The following BCAR3 variants were observed in gnomAD, a reference collection of about 807,000 sequenced individuals.
BCAR3 encodes BCAR3 adaptor protein, NSP family member.
BCAR3 carries 37 observed loss-of-function variants against 80.1 expected under a neutral mutation model. The ratio of observed to expected loss-of-function variants is 0.46; its 90% CI spans 0.36 to 0.61. BCAR3 has a LOEUF of 0.61. BCAR3 is among the 20% of genes least tolerant of loss of function. The probability of loss-of-function intolerance (pLI) is 0.00; values close to 1 mark genes in which losing one functional copy is unlikely to be tolerated. For missense variants in BCAR3, 978 were observed against 1,068.2 expected, an observed-to-expected ratio of 0.92 and a Z score of 1.18; for synonymous variants, 389 against 418.9, an observed-to-expected ratio of 0.93 and a Z score of 0.87.
intron 2 of BCAR3, among the ~76,000 whole-genome samples, chr1:93,783,106 C>T (rs538667785): frequency 1.3e-5 from 2 of 152,248 alleles, no homozygotes; most frequent in African/African-American, 4.8e-5. Flanking sequence ...TAGACTTGCT[C>T]AACCACTTGG....
intron 7 of BCAR3, among the ~76,000 whole-genome samples, chr1:93,581,805 T>C (rs933330904): frequency 6.6e-6 from 1 of 152,244 alleles, no homozygotes; most frequent in African/African-American, 2.4e-5. Context: ...AAAATAAATA[T>C]GTAATGCATA....
chr1:93,755,434 T>C (rs1052976937), intron 2 of BCAR3, among the ~76,000 whole-genome samples: 2 of 152,156 alleles, frequency 1.3e-5, no homozygotes, highest in African/African-American at 4.8e-5. Context: ...CCTATACAGG[T>C]GTACCATTTT....
intron 2 of BCAR3, among the ~76,000 whole-genome samples, chr1:93,776,412 T>TAA (rs948328688): frequency 4.6e-5 from 7 of 152,306 alleles, no homozygotes; most frequent in African/African-American, 1.4e-4. Context: ...TACTGTAAGT[T>TAA]AAAGACTCTC....
intron 2 of BCAR3, among the ~76,000 whole-genome samples, chr1:93,643,545 CAAAAAAAAAAAA>C (rs547667389): frequency 0.02 from 445 of 22,312 alleles, 4 homozygotes; most frequent in Non-Finnish European, 0.029. Context: ...GACTCTTTCT[CAAAAAAAAAAAA>C]AAAAAAAAAA....
chr1:93,571,171 T>G (rs1327697560), intron 9 of BCAR3, among the ~76,000 whole-genome samples: 2 of 149,384 alleles, frequency 1.3e-5, no homozygotes. Flanking sequence ...ACCATTGTAC[T>G]GCAGCCTGGA....
At chr1:93,799,923 C>G (rs990628478) in intron 2 of BCAR3, among the ~76,000 whole-genome samples, 1 of 152,152 alleles carries the variant, frequency 6.6e-6, no homozygotes, top group Non-Finnish European at 1.5e-5. Flanking sequence ...AAATTCACTG[C>G]CTACTGGTAT....
intron 2 of BCAR3, among the ~76,000 whole-genome samples, chr1:93,844,164 G>A (rs527433061): frequency 2.6e-5 from 4 of 152,168 alleles, no homozygotes; most frequent in Admixed American, 1.3e-4. Flanking sequence ...AAAATTAGCC[G>A]GGTGTGGTGG....
At chr1:93,674,495 C>G in intron 2 of BCAR3, 119 bp downstream of exon 2, 2 of 1,093,470 alleles carry the variant, frequency 1.8e-6, no homozygotes, top group Non-Finnish European at 2.6e-6. Context: ...CATGATCCAC[C>G]CATCTCAGCC....
At chr1:93,777,716 C>T (rs1296063824) in intron 2 of BCAR3, among the ~76,000 whole-genome samples, 1 of 152,144 alleles carries the variant, frequency 6.6e-6, no homozygotes, top group Non-Finnish European at 1.5e-5. Context: ...TGAGCCACCA[C>T]ACCTGGCCCA....
chr1:93,572,700 C>T (rs1266272297), intron 8 of BCAR3, among the ~76,000 whole-genome samples: 2 of 152,228 alleles, frequency 1.3e-5, no homozygotes, highest in African/African-American at 4.8e-5. Context: ...GCCTCAGTTT[C>T]TTCCAGGCTG....
At chr1:93,562,498 G>A (rs1038806274) in intron 11 of BCAR3, 79 bp from the exon 12 acceptor site, 26 of 1,387,812 alleles carry the variant, frequency 1.9e-5, no homozygotes, top group Admixed American at 1.4e-4. Context: ...CACCAGGCGC[G>A]GTGGCTCACG....
At chr1:93,626,860 A>C (rs1208674056) in intron 3 of BCAR3, among the ~76,000 whole-genome samples, 1 of 152,220 alleles carries the variant, frequency 6.6e-6, no homozygotes, top group Non-Finnish European at 1.5e-5. Context: ...GCAACTGTGC[A>C]ATTGAATTGT....
chr1:93,722,234 AG>A (rs1650431628), intron 2 of BCAR3, among the ~76,000 whole-genome samples: 1 of 152,136 alleles, frequency 6.6e-6, no homozygotes, highest in African/African-American at 2.4e-5. Flanking sequence ...AGAACTCCCG[AG>A]TGAGGGCCTC....
chr1:93,818,061 G>A (rs944906125), intron 2 of BCAR3, among the ~76,000 whole-genome samples: 7 of 152,304 alleles, frequency 4.6e-5, no homozygotes, highest in East Asian at 3.9e-4. Context: ...TGTTAACCAC[G>A]TGCCACTTTA....
At chr1:93,755,290 G>A (rs1272409445) in intron 2 of BCAR3, among the ~76,000 whole-genome samples, 4 of 152,058 alleles carry the variant, frequency 2.6e-5, no homozygotes, top group Non-Finnish European at 5.9e-5. Context: ...ATTTAGTGTA[G>A]CCTGAGTGTA....
chr1:93,665,306 A>G (rs1647848797), intron 2 of BCAR3, among the ~76,000 whole-genome samples: 1 of 152,194 alleles, frequency 6.6e-6, no homozygotes, highest in South Asian at 2.1e-4. Flanking sequence ...GTGGCCCTGA[A>G]AACATGTCTG....
intron 2 of BCAR3, among the ~76,000 whole-genome samples, chr1:93,721,311 A>T (rs78689450): frequency 0.029 from 4,392 of 152,156 alleles, 110 homozygotes; most frequent in Middle Eastern, 0.095. Context: ...TTGAGCCTGG[A>T]GGAATACAGC....
chr1:93,565,227 G>A (rs140661541), intron 11 of BCAR3, among the ~76,000 whole-genome samples: 1,654 of 152,056 alleles, frequency 0.011, 15 homozygotes, highest in Admixed American at 0.02. Flanking sequence ...AAAATTCCCC[G>A]GCTAATTTTT....
rs371114678 is a variant in BCAR3, at chr1:93,705,069, C to T, written c.-12+1023G>A. 3.0e-4 allele frequency among the ~76,000 whole-genome samples: 46 copies of T among 152,290 alleles called. No individual in the cohort carries two copies. The East Asian group carries it at 5.6e-3, about 19-fold the overall frequency. On this transcript the variant is annotated intron_variant, in intron 3 of 13. Coordinates refer to the BCAR3 transcript ENST00000370244. ...TTATCAAGTTAGACCAATGATCTTC[C>T]TAGACTGGGAGGTCTGACTTGAGCT...
Sources: allele counts gnomAD v4.1 joint callset (sites outside exome capture counted in the v4.1 genomes callset), GRCh38; gene constraint gnomAD v4.1.1; transcripts MANE v1.5; gene names NCBI Gene and HGNC (gene_info 2026-07-23, HGNC 2026-07-21).